Variants in FANCC observed in about 807,000 individuals in gnomAD.
The protein encoded by FANCC is FA complementation group C, also known as Fanconi anemia group C protein.
A neutral mutation model predicts 71.3 loss-of-function variants in FANCC; 55 were observed. That is an observed-to-expected ratio of 0.77 (90% CI 0.62 to 0.97). The LOEUF (loss-of-function observed/expected upper bound fraction) is 0.97. FANCC is among the 50% of genes least tolerant of loss of function. FANCC has a pLI of 0.00. For synonymous variants in FANCC, 275 were observed against 244.9 expected, an observed-to-expected ratio of 1.12 and a Z score of -1.15; for missense variants, 678 against 670.9, an observed-to-expected ratio of 1.01 and a Z score of -0.12.
At chr9:95,116,018 G>A (rs1451738322) in intron 11 of FANCC, among the ~76,000 whole-genome samples, 1 of 152,204 alleles carries the variant, frequency 6.6e-6, no homozygotes, top group Non-Finnish European at 1.5e-5. Flanking sequence ...GCTCTTCTAG[G>A]AACTAGCACA....
chr9:95,217,579 T>TA (rs1165972334), intron 4 of FANCC, among the ~76,000 whole-genome samples: 3 of 151,966 alleles, frequency 2.0e-5, no homozygotes, highest in African/African-American at 7.3e-5. Context: ...TAAATTTAAA[T>TA]AAAAACACAA....
chr9:95,274,009 G>C (rs572358093), intron 1 of FANCC, among the ~76,000 whole-genome samples: 1 of 152,202 alleles, frequency 6.6e-6, no homozygotes, highest in Non-Finnish European at 1.5e-5. Flanking sequence ...TTTGTAAATA[G>C]AGAGTAGGAA....
chr9:95,174,862 C>A (rs1825913238), intron 4 of FANCC, among the ~76,000 whole-genome samples: 1 of 151,904 alleles, frequency 6.6e-6, no homozygotes, highest in Non-Finnish European at 1.5e-5. Flanking sequence ...GGCACACATA[C>A]CAGTGACACT....
chr9:95,183,756 C>A (rs115572704), intron 4 of FANCC, among the ~76,000 whole-genome samples: 74 of 152,154 alleles, frequency 4.9e-4, no homozygotes, highest in African/African-American at 1.8e-3. Context: ...ACATCCAGGA[C>A]GGACAGGAAA....
chr9:95,245,898 CAA>C (rs140313312), intron 3 of FANCC, among the ~76,000 whole-genome samples: 61 of 116,032 alleles, frequency 5.3e-4, no homozygotes, highest in Middle Eastern at 9.6e-3. Context: ...AACTCTGTCT[CAA>C]AAAAAAAAAA....
chr9:95,228,301 TCA>T (rs911737691), intron 4 of FANCC, among the ~76,000 whole-genome samples: 6 of 152,096 alleles, frequency 3.9e-5, no homozygotes, highest in African/African-American at 1.2e-4. Flanking sequence ...ATAAACAAAC[TCA>T]CAGTCCTCCA....
intron 12 of FANCC, among the ~76,000 whole-genome samples, chr9:95,112,293 C>T (rs1307112417): frequency 1.3e-5 from 2 of 152,174 alleles, no homozygotes; most frequent in African/African-American, 4.8e-5. Flanking sequence ...AACAGACCAG[C>T]CTGAGATCAC....
intron 1 of FANCC, among the ~76,000 whole-genome samples, chr9:95,300,068 C>T (rs1375651021): frequency 1.3e-5 from 2 of 152,132 alleles, no homozygotes; most frequent in Non-Finnish European, 2.9e-5. Context: ...TTGATATTAG[C>T]GGCCAGCCAA....
chr9:95,288,512 T>C (rs1445303916), intron 1 of FANCC, among the ~76,000 whole-genome samples: 3 of 152,200 alleles, frequency 2.0e-5, no homozygotes, highest in East Asian at 1.9e-4. Context: ...CAAGTGTCCA[T>C]GGTTTTGTGT....
At position 95,232,910 on chromosome 9, in the gene FANCC, A is replaced by T. The variant is rs1006303864; in HGVS notation, c.345+7739T>A. Among the ~76,000 whole-genome samples the T allele has an allele frequency of 5.3e-5, 8 of 152,250 alleles. No homozygotes were observed. The East Asian group carries it at 1.5e-3, about 29-fold the overall frequency. On this transcript the variant is annotated intron_variant, in intron 4 of 14. Transcript: ENST00000289081. The stretch of plus-strand genomic sequence containing the variant: ...TTAATTCATGTTCATCAGGAAAGAT[A>T]CAATCCACTTCCCAATCTTGCAAAC...
At chr9:95,293,150 A>G (rs1834160703) in intron 1 of FANCC, 7 of 1,612,896 alleles carry the variant, frequency 4.3e-6, no homozygotes, top group Non-Finnish European at 5.9e-6. Context: ...TCTTTTGAAG[A>G]CTCTTGTGGC....
intron 10 of FANCC, among the ~76,000 whole-genome samples, chr9:95,120,505 T>C (rs2072790151): frequency 6.6e-6 from 1 of 151,870 alleles, no homozygotes; most frequent in Non-Finnish European, 1.5e-5. Flanking sequence ...GCCTCCACGT[T>C]CTGGGCTCAA....
At chr9:95,239,705 A>G (rs902907642) in intron 4 of FANCC, among the ~76,000 whole-genome samples, 6 of 151,976 alleles carry the variant, frequency 3.9e-5, no homozygotes, top group Non-Finnish European at 8.8e-5. Context: ...CCATTGCCCA[A>G]TCCCTCTCAC....
chr9:95,124,347 G>A (rs574660332), intron 10 of FANCC, among the ~76,000 whole-genome samples: 2 of 152,074 alleles, frequency 1.3e-5, no homozygotes, highest in African/African-American at 2.4e-5. Context: ...AGAAATCAAG[G>A]CCAAATATAT....
rs2136102471 is a variant in FANCC at position 95,249,301 on chromosome 9, A to G, written c.-10T>C. The G allele has an allele frequency of 1.2e-6, 2 of 1,613,918 alleles. No homozygotes were observed. Among genetic ancestry groups the G allele is most frequent in the Non-Finnish European group, 1.7e-6 (2 of 1,179,958 alleles). On this transcript the variant is annotated 5_prime_UTR_variant, in exon 2 of 15. Coordinates refer to ENST00000289081, the MANE Select transcript of FANCC (RefSeq NM_000136.3). ...CTGAATCTTGAGCCATCTTGGAAAA[A>G]GCGAAAAGGTGATGTCCCTTCACAG... is the stretch of plus-strand genomic sequence containing the variant.
At chr9:95,204,343 T>C (rs356684) in intron 4 of FANCC, among the ~76,000 whole-genome samples, 1 of 152,018 alleles carries the variant, frequency 6.6e-6, no homozygotes, top group African/African-American at 2.4e-5. Context: ...TGGATATCCA[T>C]CACAAGGACA....
At chr9:95,247,546 A>G in intron 2 of FANCC, 30 bp from the exon 3 acceptor site, 4 of 1,477,072 alleles carry the variant, frequency 2.7e-6, no homozygotes, top group Non-Finnish European at 3.8e-6. Flanking sequence ...TTTGGTCAGT[A>G]AAGGCATTAT....
At chr9:95,108,542 C>T (rs1434984348) in intron 13 of FANCC, among the ~76,000 whole-genome samples, 3 of 152,260 alleles carry the variant, frequency 2.0e-5, no homozygotes, top group Non-Finnish European at 4.4e-5. Flanking sequence ...CCTTCAGAGG[C>T]CGTCCATGCT....
intron 4 of FANCC, among the ~76,000 whole-genome samples, chr9:95,215,523 C>T (rs1388847787): frequency 6.6e-6 from 1 of 152,140 alleles, no homozygotes; most frequent in Non-Finnish European, 1.5e-5. Flanking sequence ...TACTCCTCCC[C>T]CCGAAAGGTG....
Sources: gnomAD v4.1 joint callset for allele counts (sites outside exome capture counted in the v4.1 genomes callset) on GRCh38, gnomAD v4.1.1 for gene constraint, MANE v1.5 for transcripts, NCBI Gene and HGNC (gene_info 2026-07-23, HGNC 2026-07-21) for gene names.